The following CCDC149 variants were observed in gnomAD, a reference collection of about 807,000 sequenced individuals.
CCDC149 encodes coiled-coil domain-containing protein 149.
Under a neutral mutation model 59.9 loss-of-function variants are expected in CCDC149, and 45 were observed. The ratio of observed to expected loss-of-function variants is 0.75; its 90% CI spans 0.59 to 0.96. The LOEUF (loss-of-function observed/expected upper bound fraction) is 0.96, where lower values mean the gene tolerates loss of function less well. CCDC149 is among the 40% of genes least tolerant of loss of function. The pLI is 0.00. For missense variants in CCDC149, 584 were observed against 664.7 expected (o/e 0.88, Z 1.33); for synonymous variants, 245 against 260.6 (o/e 0.94, Z 0.58).
chr4:24,896,786 A>G (rs1720869706), intron 1 of CCDC149, among the ~76,000 whole-genome samples: 1 of 152,006 alleles, frequency 6.6e-6, no homozygotes. Context: ...TTTGAAAGTC[A>G]TGTCTGTGGG....
chr4:24,901,791 C>T (rs1194998084), intron 1 of CCDC149, among the ~76,000 whole-genome samples: 1 of 152,202 alleles, frequency 6.6e-6, no homozygotes, highest in East Asian at 1.9e-4. Context: ...AGTACCACCA[C>T]CCTCCAGCCA....
upstream of CCDC149, among the ~76,000 whole-genome samples, chr4:24,916,373 T>C (rs1444813955): frequency 6.6e-6 from 1 of 152,150 alleles, no homozygotes; most frequent in African/African-American, 2.4e-5. Context: ...CAGCACAGAC[T>C]GATGAAAACA....
At chr4:24,893,752 G>A (rs1252933626) in intron 1 of CCDC149, among the ~76,000 whole-genome samples, 1 of 149,304 alleles carries the variant, frequency 6.7e-6, no homozygotes, top group East Asian at 2.0e-4. Context: ...TTAGTAGCTG[G>A]GATTATAGGC....
At chr4:24,808,959 G>A (rs1714411368) in intron 12 of CCDC149, 140 bp from the exon 13 acceptor site, 1 of 718,448 alleles carries the variant, frequency 1.4e-6, no homozygotes, top group Admixed American at 2.9e-5. Flanking sequence ...CCTGTGCAGG[G>A]CAATGGAGCC....
At chr4:24,873,563 C>A in intron 3 of CCDC149, 118 bp downstream of exon 3, 1 of 756,650 alleles carries the variant, frequency 1.3e-6, no homozygotes, top group Non-Finnish European at 2.3e-6. Flanking sequence ...CTACTCCTCC[C>A]AATAACAGAA....
intron 1 of CCDC149, among the ~76,000 whole-genome samples, chr4:24,930,755 T>C (rs1722563567): frequency 6.6e-6 from 1 of 152,194 alleles, no homozygotes; most frequent in East Asian, 1.9e-4. Flanking sequence ...ACAAGAGGGT[T>C]CCTGCTACTC....
chr4:24,949,555 T>C (rs1318983628), intron 1 of CCDC149, among the ~76,000 whole-genome samples: 3 of 152,216 alleles, frequency 2.0e-5, no homozygotes, highest in Non-Finnish European at 2.9e-5. Flanking sequence ...CTGACCCAGA[T>C]GCTGTGCTAG....
At chr4:24,856,557 C>G (rs1436036881) in intron 3 of CCDC149, among the ~76,000 whole-genome samples, 1 of 152,180 alleles carries the variant, frequency 6.6e-6, no homozygotes, top group Non-Finnish European at 1.5e-5. Flanking sequence ...GAAAAAGTCC[C>G]AGACAGGGGA....
upstream of CCDC149, among the ~76,000 whole-genome samples, chr4:24,915,015 A>G (rs1271813981): frequency 6.6e-6 from 1 of 152,220 alleles, no homozygotes; most frequent in Non-Finnish European, 1.5e-5. Context: ...GGGGCTTGCA[A>G]ACTAAGGTGC....
chr4:24,852,557 AT>A (rs1387818237), intron 4 of CCDC149, among the ~76,000 whole-genome samples: 11 of 152,172 alleles, frequency 7.2e-5, no homozygotes, highest in Admixed American at 1.3e-4. Context: ...ATATTTTATA[AT>A]TAACGTTGCC....
intron 12 of CCDC149, among the ~76,000 whole-genome samples, chr4:24,811,719 AAAAATTAG>A (rs1714617427): frequency 6.6e-6 from 1 of 152,018 alleles, no homozygotes. Context: ...CTAAAAATAC[AAAAATTAG>A]CCAAGTGTGG....
intron 1 of CCDC149, among the ~76,000 whole-genome samples, chr4:24,926,492 G>T (rs534466368): frequency 4.6e-5 from 7 of 152,054 alleles, no homozygotes; most frequent in Non-Finnish European, 1.0e-4. Flanking sequence ...TCCCTCAGGG[G>T]CTTCCAGAAC....
At chr4:24,884,725 A>G (rs1162637805) in intron 1 of CCDC149, among the ~76,000 whole-genome samples, 1 of 152,258 alleles carries the variant, frequency 6.6e-6, no homozygotes, top group Non-Finnish European at 1.5e-5. Flanking sequence ...CCATTTTTAA[A>G]TGAAGATATT....
chr4:24,909,860 T>C (rs1721771544), intron 1 of CCDC149, among the ~76,000 whole-genome samples: 1 of 152,166 alleles, frequency 6.6e-6, no homozygotes, highest in Non-Finnish European at 1.5e-5. Flanking sequence ...TTGCTCCTCC[T>C]TGCCTTCCAG....
intron 4 of CCDC149, among the ~76,000 whole-genome samples, chr4:24,848,183 G>A (rs574773811): frequency 6.0e-4 from 91 of 152,090 alleles, no homozygotes; most frequent in African/African-American, 1.9e-3. Context: ...TGCTGTCTAC[G>A]CTACCCACCC....
intron 9 of CCDC149, chr4:24,829,023 C>T (rs1430238778): frequency 6.6e-6 from 1 of 152,396 alleles, no homozygotes; most frequent in Non-Finnish European, 1.5e-5. Context: ...GTCAGGCCGA[C>T]AGCCTGTGGA....
At position 24,928,425 on chromosome 4, in the gene CCDC149, C is replaced by T. The variant is rs1722490798; in HGVS notation, c.-64-33307G>A. 2.0e-5 allele frequency among the ~76,000 whole-genome samples: 3 copies of T among 152,130 alleles called. No individual in the cohort carries two copies. The South Asian group carries it at 6.2e-4, about 32-fold the overall frequency. ...GGCACAAGCTTTTCCTGAAGGATGC[C>T]TAGGAATTCCAACAGAATGGATGGT... On this transcript the variant is annotated intron_variant, in intron 1 of 12. Transcript: ENST00000389609.
At chr4:24,828,277 A>AT (rs1715897407) in intron 9 of CCDC149, 1 of 4,408 alleles carries the variant, frequency 2.3e-4, no homozygotes, top group South Asian at 0.014. Context: ...TACCGTTTGT[A>AT]AAAAAAAAAA....
At chr4:24,852,756 G>A (rs1717744297) in intron 4 of CCDC149, among the ~76,000 whole-genome samples, 1 of 152,100 alleles carries the variant, frequency 6.6e-6, no homozygotes, top group Non-Finnish European at 1.5e-5. Flanking sequence ...ATATAAGGGC[G>A]AAAGTATAAC....
Sources: gnomAD v4.1 joint callset for allele counts (sites outside exome capture counted in the v4.1 genomes callset) on GRCh38, gnomAD v4.1.1 for gene constraint, MANE v1.5 for transcripts, NCBI Gene and HGNC (gene_info 2026-07-23, HGNC 2026-07-21) for gene names.